Variants in MVB12B observed in about 807,000 individuals in gnomAD.
MVB12B encodes the protein multivesicular body subunit 12B.
A neutral mutation model predicts 41.6 loss-of-function variants in MVB12B; 16 were observed. The ratio of observed to expected loss-of-function variants is 0.38; its 90% CI spans 0.26 to 0.58. The LOEUF (loss-of-function observed/expected upper bound fraction) is 0.58. MVB12B is among the 20% of genes least tolerant of loss of function. MVB12B has a pLI of 0.62. For missense variants in MVB12B, 274 were observed against 380.2 expected, an observed-to-expected ratio of 0.72 and a Z score of 2.32; for synonymous variants, 133 against 139.7, an observed-to-expected ratio of 0.95 and a Z score of 0.34.
At chr9:126,476,532 A>G (rs932382079) in intron 7 of MVB12B, among the ~76,000 whole-genome samples, 1 of 152,178 alleles carries the variant, frequency 6.6e-6, no homozygotes, top group Non-Finnish European at 1.5e-5. Flanking sequence ...ATGCATACGT[A>G]TGCACTTATA....
chr9:126,454,634 T>C (rs1832944113), intron 7 of MVB12B, among the ~76,000 whole-genome samples: 1 of 152,260 alleles, frequency 6.6e-6, no homozygotes, highest in Non-Finnish European at 1.5e-5. Context: ...AACCCCTGCA[T>C]GGCTTTAGCC....
chr9:126,376,725 T>C lies in MVB12B; in HGVS notation c.205-4339T>C. On this transcript the variant is annotated intron_variant, in intron 2 of 9. Transcript: ENST00000361171. The surrounding 1 kb of genome is among the most constrained non-coding windows in gnomAD (Gnocchi z 4.1). Reference sequence around the variant, plus strand: ...GTTTCCACTCTGAAGTTGCACCTCCTCCCCCACCTCCTCCTGACCTCCAGC... The same window carrying C: ...GTTTCCACTCTGAAGTTGCACCTCCCCCCCCACCTCCTCCTGACCTCCAGC... The C allele has an allele frequency of 8.0e-7, 1 of 1,245,174 alleles. No homozygotes were observed. The highest frequency in any genetic ancestry group is 2.4e-5 in the Admixed American group (1 of 41,304). 77.1% of individuals were successfully genotyped at this position (1,245,174 alleles called of 1,614,324 possible).
At chr9:126,467,896 T>A (rs1833229723) in intron 7 of MVB12B, among the ~76,000 whole-genome samples, 1 of 152,226 alleles carries the variant, frequency 6.6e-6, no homozygotes, top group African/African-American at 2.4e-5. Flanking sequence ...AAGCAGAGTC[T>A]GGGTATGAGG....
intron 7 of MVB12B, among the ~76,000 whole-genome samples, chr9:126,444,609 C>G (rs1220608868): frequency 6.6e-6 from 1 of 152,128 alleles, no homozygotes; most frequent in Non-Finnish European, 1.5e-5. Context: ...CCGCTTGTTT[C>G]CAGTTTCTGC....
chr9:126,410,144 TGTG>T (rs1831593715), intron 6 of MVB12B, among the ~76,000 whole-genome samples: 196 of 24,476 alleles, frequency 8.0e-3, no homozygotes, highest in African/African-American at 0.016. Context: ...TTTGGTTTTG[TGTG>T]TGTGTGTGTG....
At position 126,381,076 on chromosome 9, in the gene MVB12B, G is replaced by A; in HGVS notation, c.217G>A (p.Ala73Thr). The change falls in exon 3 of 10, where the codon GCA becomes ACA. Residue 73 changes from alanine to threonine, a missense_variant. Coordinates refer to ENST00000361171, the MANE Select transcript of MVB12B (RefSeq NM_033446.3). Reference protein sequence around the residue: ...PTGYDVVAQTADGVDADLWKD... With the variant: ...PTGYDVVAQTTDGVDADLWKD... ...CTCTCCGGTGTAGGTTGCACAGACAGCAGATGGTGTGGATGCTGACCTCTG... is the reference window on the plus strand; with the variant it reads ...CTCTCCGGTGTAGGTTGCACAGACAACAGATGGTGTGGATGCTGACCTCTG... 4 of 1,614,038 alleles carry A rather than the reference G, an allele frequency of 2.5e-6. No individual in the cohort carries two copies. Among genetic ancestry groups the A allele is most frequent in the Non-Finnish European group, 3.4e-6 (4 of 1,179,918 alleles).
At chr9:126,347,058 G>A (rs1829611357) in intron 2 of MVB12B, among the ~76,000 whole-genome samples, 1 of 152,034 alleles carries the variant, frequency 6.6e-6, no homozygotes, top group African/African-American at 2.4e-5. Context: ...AGGATGCCAT[G>A]ACTCCCTTTG....
At chr9:126,447,417 ATATT>A (rs1190461800) in intron 7 of MVB12B, among the ~76,000 whole-genome samples, 1 of 151,772 alleles carries the variant, frequency 6.6e-6, no homozygotes, top group Non-Finnish European at 1.5e-5. Flanking sequence ...TTCATATATA[ATATT>A]TATTTATAAA....
intron 9 of MVB12B, among the ~76,000 whole-genome samples, chr9:126,492,771 G>A (rs905227530): frequency 3.3e-5 from 5 of 152,216 alleles, no homozygotes; most frequent in Admixed American, 2.0e-4. Flanking sequence ...TTGAGCCCAG[G>A]AAGTTGAGGC....
At chr9:126,396,859 G>C (rs952334610) in intron 6 of MVB12B, 2 of 985,382 alleles carry the variant, frequency 2.0e-6, no homozygotes, top group African/African-American at 3.5e-5. Context: ...AGAGTTGCAG[G>C]GTGAACAGTT....
At chr9:126,469,796 C>T (rs1833274768) in intron 7 of MVB12B, among the ~76,000 whole-genome samples, 1 of 152,148 alleles carries the variant, frequency 6.6e-6, no homozygotes, top group Admixed American at 6.5e-5. Flanking sequence ...CCCAGTGGCC[C>T]CTCAGCCACC....
At position 126,419,568 on chromosome 9, in the gene MVB12B, AG is replaced by A. The variant is rs1831937890; in HGVS notation, c.663-2283del. Among the ~76,000 whole-genome samples the A allele has an allele frequency of 2.0e-5, 3 of 152,236 alleles. No individual in the cohort carries two copies. In the South Asian group the frequency reaches 6.2e-4, roughly 31 times the overall value. On this transcript the variant is annotated intron_variant, in intron 6 of 9. Transcript: ENST00000361171. ...GCTGGCACCTGGTGACACTCTCAGC[AG>A]GGTCACCTGTCATCATTTTAGTTCT...
At chr9:126,464,269 A>C (rs980749773) in intron 7 of MVB12B, among the ~76,000 whole-genome samples, 1 of 152,222 alleles carries the variant, frequency 6.6e-6, no homozygotes, top group Non-Finnish European at 1.5e-5. Context: ...ACAAGCAGGT[A>C]TATAGGAAAG....
chr9:126,335,763 G>T (rs151306718), intron 1 of MVB12B, among the ~76,000 whole-genome samples: 1 of 152,204 alleles, frequency 6.6e-6, no homozygotes, highest in African/African-American at 2.4e-5. Context: ...CTGTAAGCTG[G>T]TATATGTGAG....
chr9:126,453,962 G>C (rs1385382007), intron 7 of MVB12B, among the ~76,000 whole-genome samples: 1 of 152,186 alleles, frequency 6.6e-6, no homozygotes, highest in Non-Finnish European at 1.5e-5. Context: ...ATGGAAGTCT[G>C]GTGTCCCATC....
intron 3 of MVB12B, among the ~76,000 whole-genome samples, chr9:126,385,699 A>G (rs933193164): frequency 6.6e-6 from 1 of 152,210 alleles, no homozygotes; most frequent in Non-Finnish European, 1.5e-5. Context: ...TGAGCCCATC[A>G]TTCTTTCCTT....
In MVB12B at chr9:126,468,775, G is replaced by A. The variant is rs1490594434; in HGVS notation, c.758-12594G>A. On this transcript the variant is annotated intron_variant, in intron 7 of 9. Coordinates refer to ENST00000361171, the MANE Select transcript of MVB12B (RefSeq NM_033446.3). This position sits in a 1 kb window ranked among gnomAD's most constrained non-coding sequence, Gnocchi z 4.3. Reference sequence around the variant, plus strand: ...TCCCCATCTCTCTCTCCAGCTCAAAGACCCTTTGGTGGCTCCCCAGGGACC... The same window carrying A: ...TCCCCATCTCTCTCTCCAGCTCAAAAACCCTTTGGTGGCTCCCCAGGGACC... Among the ~76,000 whole-genome samples the A allele has an allele frequency of 6.6e-6, 1 of 152,162 alleles. No individual in the cohort carries two copies. Among genetic ancestry groups the A allele is most frequent in the East Asian group, 1.9e-4 (1 of 5,194 alleles).
At chr9:126,484,528 TTC>T in intron 9 of MVB12B, among the ~76,000 whole-genome samples, 1 of 41,880 alleles carries the variant, frequency 2.4e-5, no homozygotes, top group Non-Finnish European at 5.5e-5. Flanking sequence ...GGGTACCTTC[TTC>T]CACTGTGCTT....
chr9:126,490,289 G>T (rs986272768), intron 9 of MVB12B, among the ~76,000 whole-genome samples: 1 of 152,110 alleles, frequency 6.6e-6, no homozygotes, highest in African/African-American at 2.4e-5. Context: ...CCCACCCACG[G>T]TCCCGCCCTG....
Sources: gnomAD v4.1 joint callset for allele counts (sites outside exome capture counted in the v4.1 genomes callset) on GRCh38, gnomAD v4.1.1 for gene constraint, Gnocchi (gnomAD v3.1) non-coding constraint, MANE v1.5 for transcripts, NCBI Gene and HGNC (gene_info 2026-07-23, HGNC 2026-07-21) for gene names.